The following SAE1 variants were observed in gnomAD, a reference collection of about 807,000 sequenced individuals.
SAE1 encodes the protein SUMO-activating enzyme subunit 1.
In SAE1, 11 loss-of-function variants were observed where a neutral mutation model predicts 40.6. That is an observed-to-expected ratio of 0.27 (90% CI 0.17 to 0.45). The LOEUF is 0.45. Ranked by LOEUF, SAE1 falls within the 20% of genes least tolerant of loss-of-function variation. The probability of loss-of-function intolerance (pLI) is 1.00; values close to 1 mark genes in which losing one functional copy is unlikely to be tolerated. For missense variants in SAE1, 373 were observed against 427.3 expected (o/e 0.87, Z 1.12); for synonymous variants, 155 against 154.3 (o/e 1.00, Z -0.03).
At chr19:47,203,252 A>G (rs1486524193) in intron 7 of SAE1, among the ~76,000 whole-genome samples, 1 of 152,148 alleles carries the variant, frequency 6.6e-6, no homozygotes, top group Non-Finnish European at 1.5e-5. Context: ...TGCTTCCTAC[A>G]TGTTAACACA....
intron 6 of SAE1, among the ~76,000 whole-genome samples, chr19:47,181,698 C>T (rs1012092849): frequency 6.7e-6 from 1 of 149,378 alleles, no homozygotes; most frequent in Non-Finnish European, 1.5e-5. Context: ...AGGCTGGTCT[C>T]GAACTCCTAG....
intron 5 of SAE1, among the ~76,000 whole-genome samples, chr19:47,162,760 G>T (rs1371352564): frequency 6.6e-6 from 1 of 152,164 alleles, no homozygotes; most frequent in African/African-American, 2.4e-5. Context: ...GGAAGCCAAA[G>T]TGGGCACATC....
Position 47,209,292 on chromosome 19 carries a change from GC to G in SAE1, c.*44del. On this transcript the variant is annotated 3_prime_UTR_variant, in exon 9 of 9. Coordinates refer to ENST00000270225, the MANE Select transcript of SAE1 (RefSeq NM_005500.3). ...GCCCCAGAGATGCCAACTGCAGCAT[GC>G]CCACCTGTATTCCCTGTCCCCTTCC... is the stretch of plus-strand genomic sequence containing the variant. 6.2e-7 allele frequency: 1 copy of G among 1,614,002 alleles called. No homozygotes were observed. Among genetic ancestry groups the G allele is most frequent in the East Asian group, 2.2e-5 (1 of 44,868 alleles).
chr19:47,133,447 G>A (rs1438017216), intron 1 of SAE1, among the ~76,000 whole-genome samples: 2 of 152,156 alleles, frequency 1.3e-5, no homozygotes, highest in Non-Finnish European at 2.9e-5. Context: ...GGATAGTCTC[G>A]ATCTCCTGAC....
chr19:47,130,924 C>G lies in SAE1; in HGVS notation c.-7C>G, dbSNP rs911537251. 1.3e-6 allele frequency: 2 copies of G among 1,549,384 alleles called. No homozygotes were observed. Among genetic ancestry groups the G allele is most frequent in the Non-Finnish European group, 1.7e-6 (2 of 1,146,520 alleles). Reference sequence around the variant, plus strand: ...GGACCGGAGCTGAGGCAGGAAGAGCCGGCGCCATGGTGGAGAAGGAGGAGG... The same window carrying G: ...GGACCGGAGCTGAGGCAGGAAGAGCGGGCGCCATGGTGGAGAAGGAGGAGG... On this transcript the variant is annotated 5_prime_UTR_variant, in exon 1 of 9. Coordinates refer to ENST00000270225, the MANE Select transcript of SAE1 (RefSeq NM_005500.3).
chr19:47,168,289 C>A (rs138124511), intron 5 of SAE1, among the ~76,000 whole-genome samples: 3 of 152,224 alleles, frequency 2.0e-5, no homozygotes, highest in Admixed American at 6.5e-5. Context: ...CCACATGTGT[C>A]ATTTCCAAAT....
intron 6 of SAE1, among the ~76,000 whole-genome samples, chr19:47,170,448 G>A (rs1272045188): frequency 2.0e-5 from 3 of 149,434 alleles, no homozygotes; most frequent in Non-Finnish European, 4.4e-5. Flanking sequence ...TGAGATTATA[G>A]GCATGAGCCA....
intron 6 of SAE1, among the ~76,000 whole-genome samples, chr19:47,180,616 G>T (rs1356721598): frequency 6.6e-6 from 1 of 152,080 alleles, no homozygotes; most frequent in African/African-American, 2.4e-5. Flanking sequence ...GCACCCAGGA[G>T]TTTTGAGACC....
intron 8 of SAE1, among the ~76,000 whole-genome samples, chr19:47,207,707 C>A (rs1211960539): frequency 6.6e-6 from 1 of 152,022 alleles, no homozygotes. Flanking sequence ...CATCACAGCT[C>A]ACTGCAGACT....
chr19:47,203,506 A>G (rs1215625644), intron 7 of SAE1, among the ~76,000 whole-genome samples, 165 bp from the exon 8 acceptor site: 1 of 152,130 alleles, frequency 6.6e-6, no homozygotes, highest in Non-Finnish European at 1.5e-5. Context: ...CCTTGCTCAG[A>G]TTTCATTTTC....
intron 1 of SAE1, among the ~76,000 whole-genome samples, chr19:47,140,534 C>T (rs978753535): frequency 4.6e-5 from 7 of 151,098 alleles, no homozygotes; most frequent in Middle Eastern, 3.4e-3. Flanking sequence ...TTTGTAAACC[C>T]AGCACTTTGA....
chr19:47,154,509 T>TTTTTTTTTG (rs1170158203), intron 4 of SAE1, among the ~76,000 whole-genome samples: 3 of 126,534 alleles, frequency 2.4e-5, no homozygotes, highest in African/African-American at 8.8e-5. Context: ...TTTTTTTTTT[T>TTTTTTTTTG]TCTGAGACAG....
At chr19:47,188,372 A>G (rs1223569630) in intron 6 of SAE1, among the ~76,000 whole-genome samples, 1 of 151,908 alleles carries the variant, frequency 6.6e-6, no homozygotes, top group East Asian at 1.9e-4. Flanking sequence ...GAAAAAAATA[A>G]TCACAAACTG....
At position 47,150,217 on chromosome 19, in the gene SAE1, C is replaced by A. The variant is rs548189786; in HGVS notation, c.226C>A (p.Pro76Thr). Residue 76 changes from proline to threonine, a missense_variant, in exon 3 of 9, where the codon CCC (proline) becomes ACC (threonine). Around this residue, in one of 3 missense-constraint regions of SAE1, gnomAD observed 351 missense variants for 390.6 expected, o/e 0.90. Transcript: ENST00000270225. ...LDHEQVTPED[P>T]GAQFLIRTGS... ...TTATTCCTAGGTAACTCCAGAAGAT[C>A]CCGGAGCTCAGTTCTTGATTCGTAC... 6.3e-7 allele frequency: 1 copy of A among 1,592,842 alleles called. No homozygotes were observed.
At chr19:47,195,031 C>T (rs562753319) in intron 6 of SAE1, among the ~76,000 whole-genome samples, 3 of 150,556 alleles carry the variant, frequency 2.0e-5, no homozygotes, top group Admixed American at 6.6e-5. Context: ...ACGTTACAGA[C>T]GTGAGCCACC....
rs770551564 is a variant in SAE1 at position 47,169,877 on chromosome 19, A to G, written c.687A>G (p.Ala229=). 6.2e-7 allele frequency: 1 copy of G among 1,614,196 alleles called. No individual in the cohort carries two copies. The highest frequency in any genetic ancestry group is 8.5e-7 in the Non-Finnish European group (1 of 1,180,010). Residue 229 remains alanine, a synonymous_variant, in exon 6 of 9, where the codon GCA becomes GCG. Transcript: ENST00000270225. ...ALEVDWSSEK[A]KAALKRTTSD... is the part of the protein sequence containing the mutation. Reference sequence around the variant, plus strand: ...AGGTGGACTGGAGCAGTGAGAAAGCAAAGGCTGCTCTGAAGCGCACGACCT... The same window carrying G: ...AGGTGGACTGGAGCAGTGAGAAAGCGAAGGCTGCTCTGAAGCGCACGACCT...
chr19:47,203,999 A>T (rs1479345769), intron 8 of SAE1, among the ~76,000 whole-genome samples: 2 of 151,558 alleles, frequency 1.3e-5, no homozygotes, highest in Non-Finnish European at 2.9e-5. Context: ...CTCTCCCCTA[A>T]CTGTATTAGT....
At chr19:47,165,007 G>A (rs1476015666) in intron 5 of SAE1, among the ~76,000 whole-genome samples, 5 of 149,920 alleles carry the variant, frequency 3.3e-5, no homozygotes, top group African/African-American at 7.4e-5. Context: ...GGCTGGTCTC[G>A]AACTCCAGAC....
chr19:47,142,317 G>A lies in SAE1; in HGVS notation c.99-1177G>A, dbSNP rs552145756. Among the ~76,000 whole-genome samples, 4 of 151,894 alleles carry A rather than the reference G, an allele frequency of 2.6e-5. No individual in the cohort carries two copies. In the South Asian group the frequency reaches 8.3e-4, roughly 32 times the overall value. On this transcript the variant is annotated intron_variant, in intron 1 of 8. Transcript: ENST00000270225. ...GAGAATTGCTTGGACCTGGGAGGCG[G>A]AGGTTGTAGTGAGCTGAGATCACGC...
Sources: allele counts gnomAD v4.1 joint callset (sites outside exome capture counted in the v4.1 genomes callset), GRCh38; gene constraint gnomAD v4.1.1; regional missense constraint gnomAD v4.1.1; transcripts MANE v1.5; gene names NCBI Gene and HGNC (gene_info 2026-07-23, HGNC 2026-07-21).